XKR7: variants seen among roughly 807,000 people sequenced by gnomAD.
The protein encoded by XKR7 is XK-related protein 7.
XKR7 carries 11 observed loss-of-function variants against 42.2 expected under a neutral mutation model. That is an observed-to-expected ratio of 0.26 (90% CI 0.16 to 0.43). The LOEUF is 0.43. Ranked by LOEUF, XKR7 falls within the 20% of genes least tolerant of loss-of-function variation. The probability of loss-of-function intolerance (pLI) is 1.00; values close to 1 mark genes in which losing one functional copy is unlikely to be tolerated. For synonymous variants in XKR7, 346 were observed against 366.4 expected (o/e 0.94, Z 0.64); for missense variants, 710 against 802.2 (o/e 0.89, Z 1.39).
At chr20:31,981,159 G>A (rs1220465235) in intron 1 of XKR7, among the ~76,000 whole-genome samples, 2 of 149,300 alleles carry the variant, frequency 1.3e-5, no homozygotes, top group African/African-American at 5.0e-5. Flanking sequence ...GAGGTCAGGA[G>A]TTTGAGAATA....
intron 1 of XKR7, among the ~76,000 whole-genome samples, chr20:31,976,124 C>G (rs2064483534): frequency 6.6e-6 from 1 of 152,220 alleles, no homozygotes; most frequent in Non-Finnish European, 1.5e-5. Flanking sequence ...GCACAGTACT[C>G]AGCACATAGT....
chr20:31,981,565 A>G (rs2064513243), intron 1 of XKR7, among the ~76,000 whole-genome samples: 1 of 151,896 alleles, frequency 6.6e-6, no homozygotes, highest in African/African-American at 2.4e-5. Context: ...GGTGGCATGT[A>G]TCTGTAATCC....
chr20:31,991,017 C>G (rs1054044052), intron 1 of XKR7, among the ~76,000 whole-genome samples: 1 of 152,184 alleles, frequency 6.6e-6, no homozygotes, highest in African/African-American at 2.4e-5. Flanking sequence ...TTCCTCCATC[C>G]CTGCTCCTGC....
intron 1 of XKR7, among the ~76,000 whole-genome samples, chr20:31,981,463 G>A (rs1398949875): frequency 2.0e-5 from 3 of 152,170 alleles, no homozygotes; most frequent in African/African-American, 7.2e-5. Context: ...AGGCTGAGAT[G>A]GGTGGATCAC....
Position 31,995,488 on chromosome 20 carries a change from A to T in XKR7, c.787+218A>T, listed in dbSNP as rs2064587377. ...TGGCCCACTTATACTCAGAGTGAGG[A>T]GGGACCTGGCCCCTCCACTCCCTCG... On this transcript the variant is annotated intron_variant, in intron 2 of 2. Coordinates refer to ENST00000562532, the MANE Select transcript of XKR7 (RefSeq NM_001011718.2). This position sits in a 1 kb window ranked among gnomAD's most constrained non-coding sequence, Gnocchi z 4.1. Among the ~76,000 whole-genome samples, 1 of 151,858 alleles carries T rather than the reference A, an allele frequency of 6.6e-6. No individual in the cohort carries two copies. The highest frequency in any genetic ancestry group is 1.9e-4 in the East Asian group (1 of 5,150).
At position 31,981,247 on chromosome 20, in the gene XKR7, C is replaced by T. The variant is rs534005608; in HGVS notation, c.584+12488C>T. ...AATCAGCTGGGTGCAGTTGCCCACG[C>T]CTGAAGTCCCAGCTACTTGGGATGC... On this transcript the variant is annotated intron_variant, in intron 1 of 2. Transcript: ENST00000562532. Among the ~76,000 whole-genome samples the T allele has an allele frequency of 1.8e-4, 27 of 151,964 alleles. No individual in the cohort carries two copies. In the South Asian group the frequency reaches 5.6e-3, roughly 32 times the overall value.
chr20:31,978,960 C>T (rs1224791392), intron 1 of XKR7, among the ~76,000 whole-genome samples: 1 of 151,828 alleles, frequency 6.6e-6, no homozygotes, highest in Admixed American at 6.6e-5. Flanking sequence ...CATGGTGAAA[C>T]CCTGTCTCTA....
chr20:31,989,110 G>A (rs1230173571), intron 1 of XKR7, among the ~76,000 whole-genome samples: 1 of 152,156 alleles, frequency 6.6e-6, no homozygotes, highest in Non-Finnish European at 1.5e-5. Flanking sequence ...TAAGACAGGG[G>A]GTGTGGTAGA....
Position 32,000,371 on chromosome 20 carries a change from C to G in XKR7, c.*2914C>G, listed in dbSNP as rs913619535. The G allele has an allele frequency of 1.3e-5, 2 of 152,482 alleles. No individual in the cohort carries two copies. Among genetic ancestry groups the G allele is most frequent in the African/African-American group, 4.8e-5 (2 of 41,434 alleles). 9.4% of individuals were successfully genotyped at this position (152,482 alleles called of 1,614,324 possible). On this transcript the variant is annotated 3_prime_UTR_variant, in exon 3 of 3. Coordinates refer to ENST00000562532, the MANE Select transcript of XKR7 (RefSeq NM_001011718.2). ...TCCTCTGCCTCCTGTCCCCTGACCCCCACCCCAGTCTGGATGTTCAGTCCT... is the reference window on the plus strand; with the variant it reads ...TCCTCTGCCTCCTGTCCCCTGACCCGCACCCCAGTCTGGATGTTCAGTCCT...
At chr20:31,980,195 C>T (rs1312174168) in intron 1 of XKR7, among the ~76,000 whole-genome samples, 2 of 150,346 alleles carry the variant, frequency 1.3e-5, no homozygotes, top group African/African-American at 4.9e-5. Context: ...AGGAGGGAGA[C>T]AGCCCAGCTC....
At chr20:31,973,330 G>A (rs1302955512) in intron 1 of XKR7, among the ~76,000 whole-genome samples, 1 of 152,222 alleles carries the variant, frequency 6.6e-6, no homozygotes, top group Non-Finnish European at 1.5e-5. Context: ...AGCACCTGCT[G>A]TATACCAGGC....
chr20:31,980,670 T>C (rs2064507895), intron 1 of XKR7, among the ~76,000 whole-genome samples: 1 of 152,198 alleles, frequency 6.6e-6, no homozygotes, highest in Non-Finnish European at 1.5e-5. Flanking sequence ...CTGCAATCTG[T>C]TCCCCACAGC....
chr20:31,984,906 C>T (rs918496759), intron 1 of XKR7, among the ~76,000 whole-genome samples: 1 of 152,202 alleles, frequency 6.6e-6, no homozygotes, highest in Non-Finnish European at 1.5e-5. Context: ...TGACTTGGGA[C>T]GAGTCCTGGT....
chr20:31,990,599 C>T (rs2064565962), intron 1 of XKR7, among the ~76,000 whole-genome samples: 1 of 152,190 alleles, frequency 6.6e-6, no homozygotes, highest in South Asian at 2.1e-4. Context: ...CCTTTGTGGG[C>T]ACCACATCTA....
intron 1 of XKR7, among the ~76,000 whole-genome samples, chr20:31,985,152 C>A (rs2064531835): frequency 6.6e-6 from 1 of 152,180 alleles, no homozygotes; most frequent in Non-Finnish European, 1.5e-5. Flanking sequence ...CTACCCCTGC[C>A]CATCAGTCCT....
Position 31,996,740 on chromosome 20 carries a change from C to T in XKR7, c.1023C>T (p.Phe341=). The T allele has an allele frequency of 6.2e-7, 1 of 1,614,068 alleles. No individual in the cohort carries two copies. The highest frequency in any genetic ancestry group is 8.5e-7 in the Non-Finnish European group (1 of 1,179,988). Reference sequence around the variant, plus strand: ...TGGCCCACTGGTGCGTCATGACCTTCTGGGTCATCCAAGGGGAGACGGACT... The same window carrying T: ...TGGCCCACTGGTGCGTCATGACCTTTTGGGTCATCCAAGGGGAGACGGACT... ...FIVAHWCVMT[F]WVIQGETDFC... Residue 341 remains phenylalanine (F), a synonymous_variant, in exon 3 of 3, where the codon TTC becomes TTT. Transcript: ENST00000562532.
intron 1 of XKR7, among the ~76,000 whole-genome samples, chr20:31,976,888 T>C (rs990595320): frequency 2.0e-5 from 3 of 152,170 alleles, no homozygotes; most frequent in African/African-American, 7.2e-5. Context: ...GCTTTGTTGC[T>C]TTTTCTTTCT....
In XKR7 at chr20:32,002,789, C is replaced by T. The variant is rs1490847047; in HGVS notation, c.*5332C>T. 6.6e-6 allele frequency: 1 copy of T among 152,186 alleles called. No homozygotes were observed. Among genetic ancestry groups the T allele is most frequent in the African/African-American group, 2.4e-5 (1 of 41,422 alleles). The allele number at this position is 152,186 out of a possible 1,614,324, so 9.4% of individuals were successfully genotyped here. ...GGAATATATGTATTTTATTGAGTTG[C>T]TTAATACAAAATTCTCAAAAGCACT... On this transcript the variant is annotated 3_prime_UTR_variant, in exon 3 of 3. Transcript: ENST00000562532.
chr20:31,986,813 C>A (rs1447602681), intron 1 of XKR7, among the ~76,000 whole-genome samples: 2 of 145,778 alleles, frequency 1.4e-5, no homozygotes, highest in East Asian at 2.0e-4. Context: ...GAGAGACAAC[C>A]AAGCAGACCC....
Sources: allele counts gnomAD v4.1 joint callset (sites outside exome capture counted in the v4.1 genomes callset), GRCh38; gene constraint gnomAD v4.1.1; non-coding constraint Gnocchi (gnomAD v3.1); transcripts MANE v1.5; gene names NCBI Gene and HGNC (gene_info 2026-07-23, HGNC 2026-07-21).